The following SIX4 variants were observed in gnomAD, a reference collection of about 807,000 sequenced individuals.
SIX4 encodes the protein SIX homeobox 4, also known as homeobox protein SIX4.
Under a neutral mutation model 51.5 loss-of-function variants are expected in SIX4, and 23 were observed. The observed-to-expected ratio is 0.45, with a 90% confidence interval of 0.32 to 0.63. SIX4 has a LOEUF of 0.63. SIX4 is among the 30% of genes least tolerant of loss of function. SIX4 has a pLI of 0.04. For synonymous variants in SIX4, 413 were observed against 417.3 expected, an observed-to-expected ratio of 0.99 and a Z score of 0.13; for missense variants, 867 against 984.0, an observed-to-expected ratio of 0.88 and a Z score of 1.59.
At position 60,709,954 on chromosome 14, in the gene SIX4, G is replaced by T. The variant is rs1220319026; in HGVS notation, c.*3453C>A. 2 of 152,648 alleles carry T rather than the reference G, an allele frequency of 1.3e-5. No individual in the cohort carries two copies. The highest frequency in any genetic ancestry group is 6.5e-5 in the Admixed American group (1 of 15,278). 9.5% of individuals were successfully genotyped at this position (152,648 alleles called of 1,614,324 possible). Reference sequence around the variant, plus strand: ...GTATGGTGGTAAATTAACATAAAATGTATCAATTAGATACAAAGTAACTGC... The same window carrying T: ...GTATGGTGGTAAATTAACATAAAATTTATCAATTAGATACAAAGTAACTGC... On this transcript the variant is annotated 3_prime_UTR_variant, in exon 3 of 3. Transcript: ENST00000216513. This position sits in a 1 kb window ranked among gnomAD's most constrained non-coding sequence, Gnocchi z 4.1.
Position 60,711,371 on chromosome 14 carries a change from T to C in SIX4, c.*2036A>G, listed in dbSNP as rs1363034315. On this transcript the variant is annotated 3_prime_UTR_variant, in exon 3 of 3. Transcript: ENST00000216513. Reference sequence around the variant, plus strand: ...GGAATTCTTCATAGGGTTCTTGATATATGCCTGCAAGTTCCATTTATGATA... The same window carrying C: ...GGAATTCTTCATAGGGTTCTTGATACATGCCTGCAAGTTCCATTTATGATA... 6.6e-6 allele frequency: 1 copy of C among 152,204 alleles called. No individual in the cohort carries two copies. The highest frequency in any genetic ancestry group is 1.5e-5 in the Non-Finnish European group (1 of 68,038). The allele number at this position is 152,204 out of a possible 1,614,324, so 9.4% of individuals were successfully genotyped here. A position where few individuals can be genotyped will look rare whatever the true frequency, so the allele number is the denominator to read the frequency against.
At position 60,724,136 on chromosome 14, in the gene SIX4, CCT is replaced by C; in HGVS notation, c.-64_-63del. ...CGCACTCTTTTCCTCTTTCTTTCCT[CCT>C]CTCTTACTCCTCCTCCTTCGTCTCC... On this transcript the variant is annotated 5_prime_UTR_variant, in exon 1 of 3. Coordinates refer to ENST00000216513, the MANE Select transcript of SIX4 (RefSeq NM_017420.5). 6.2e-7 allele frequency: 1 copy of C among 1,604,644 alleles called. No homozygotes were observed. Among genetic ancestry groups the C allele is most frequent in the South Asian group, 1.1e-5 (1 of 90,300 alleles).
In SIX4 at chr14:60,711,757, C is replaced by G. The variant is rs1895825533; in HGVS notation, c.*1650G>C. The G allele has an allele frequency of 6.8e-6, 1 of 147,982 alleles. No homozygotes were observed. Among genetic ancestry groups the G allele is most frequent in the Non-Finnish European group, 1.5e-5 (1 of 67,296 alleles). 9.2% of individuals were successfully genotyped at this position (147,982 alleles called of 1,614,324 possible). On this transcript the variant is annotated 3_prime_UTR_variant, in exon 3 of 3. Transcript: ENST00000216513. ...CCAAGATCGTGCCACTGCACTCCAG[C>G]CTGGGCAACAGAGCGAGACTCCATC... is the stretch of plus-strand genomic sequence containing the variant.
At chr14:60,714,667 ATTTC>A (rs1013356919) in intron 2 of SIX4, among the ~76,000 whole-genome samples, 3 of 148,240 alleles carry the variant, frequency 2.0e-5, no homozygotes, top group Non-Finnish European at 4.5e-5. Flanking sequence ...GTTGCTTATT[ATTTC>A]TTTTTTTTTT....
In SIX4 at chr14:60,723,796, C is replaced by T; in HGVS notation, c.279G>A (p.Arg93=). 3 of 1,537,176 alleles carry T rather than the reference C, an allele frequency of 2.0e-6. No homozygotes were observed. Among genetic ancestry groups the T allele is most frequent in the Non-Finnish European group, 2.6e-6 (3 of 1,147,730 alleles). ...QVQLHSELLG[R]HHHAAAAAAQ... is the part of the protein sequence containing the mutation. ...CGGCGGCGGCGGCGGCGTGGTGGTG[C>T]CTGCCCAGAAGTTCCGAGTGGAGTT... Residue 93 remains arginine, a synonymous_variant, in exon 1 of 3, where the codon AGG becomes AGA. Coordinates refer to ENST00000216513, the MANE Select transcript of SIX4 (RefSeq NM_017420.5).
rs751648573 is a variant in SIX4 at position 60,720,236 on chromosome 14, C to G, written c.1073G>C (p.Ser358Thr). 1 of 1,614,216 alleles carries G rather than the reference C, an allele frequency of 6.2e-7. No individual in the cohort carries two copies. Among genetic ancestry groups the G allele is most frequent in the South Asian group, 1.1e-5 (1 of 91,084 alleles). ...VLLNGSLVPA[S>T]TSPVFLNGNS... ...TCCATTAAGGAAGACAGGTGAAGTACTTGCAGGTACCAAGCTTCCATTCAA... is the reference window on the plus strand; with the variant it reads ...TCCATTAAGGAAGACAGGTGAAGTAGTTGCAGGTACCAAGCTTCCATTCAA... Residue 358 changes from serine (S) to threonine (T), a missense_variant, in exon 2 of 3, where the codon AGT becomes ACT. Coordinates refer to ENST00000216513, the MANE Select transcript of SIX4 (RefSeq NM_017420.5). This position sits in a 1 kb window ranked among gnomAD's most constrained non-coding sequence, Gnocchi z 5.5.
intron 2 of SIX4, among the ~76,000 whole-genome samples, chr14:60,714,484 T>C (rs1895882876): frequency 6.6e-6 from 1 of 152,092 alleles, no homozygotes; most frequent in African/African-American, 2.4e-5. Flanking sequence ...ATCTTTTATG[T>C]TTAACCCCAA....
At position 60,719,985 on chromosome 14, in the gene SIX4, C is replaced by T. The variant is rs1895991449; in HGVS notation, c.1324G>A (p.Val442Ile). Residue 442 changes from valine (V) to isoleucine (I), a missense_variant, in exon 2 of 3, where the codon GTC (valine) becomes ATC (isoleucine). Val to Ile is a conservative substitution (Grantham distance 29, BLOSUM62 3). Coordinates refer to ENST00000216513, the MANE Select transcript of SIX4 (RefSeq NM_017420.5). The surrounding 1 kb of genome is among the most constrained non-coding windows in gnomAD (Gnocchi z 4.9). Reference protein sequence around the residue: ...TTTSYSPSVPVSFPGLIPSTE... With the variant: ...TTTSYSPSVPISFPGLIPSTE... ...CTGGGTATCAGGCCTGGGAATGAGA[C>T]AGGGACACTGGGGCTGTAGGACGTG... is the stretch of plus-strand genomic sequence containing the variant. 3.7e-6 allele frequency: 6 copies of T among 1,614,064 alleles called. No homozygotes were observed. The Admixed American group carries it at 8.3e-5, about 22-fold the overall frequency.
At position 60,713,658 on chromosome 14, in the gene SIX4, G is replaced by A; in HGVS notation, c.2095C>T (p.Pro699Ser). Residue 699 changes from proline to serine, a missense_variant, in exon 3 of 3, where the codon CCC (proline) becomes TCC (serine). Physicochemically the swap from Pro to Ser is moderately conservative, Grantham distance 74 (BLOSUM62 -1). Coordinates refer to ENST00000216513, the MANE Select transcript of SIX4 (RefSeq NM_017420.5). ...AAATCCTGATGTACTGCTGGGGAGG[G>A]GTGACCTACCTGATCTTCAGCTGTA... The part of the protein sequence containing the change: ...VPTAEDQVGH[P>S]SPAVHQDFVQ... 1.2e-6 allele frequency: 2 copies of A among 1,614,192 alleles called. No homozygotes were observed. The highest frequency in any genetic ancestry group is 1.7e-6 in the Non-Finnish European group (2 of 1,180,044).
chr14:60,718,357 C>A (rs1458992984), intron 2 of SIX4, among the ~76,000 whole-genome samples: 1 of 152,082 alleles, frequency 6.6e-6, no homozygotes, highest in Non-Finnish European at 1.5e-5. Flanking sequence ...TATTAAATGT[C>A]CCATTTAAAA....
rs1895833270 is a variant in SIX4 at position 60,712,069 on chromosome 14, C to CA, written c.*1337dup. ...TATAGTGCAAACAACAGTCATGTGT[C>CA]AGAGTGTAACAACTGATTCAAAACC... On this transcript the variant is annotated 3_prime_UTR_variant, in exon 3 of 3. Coordinates refer to ENST00000216513, the MANE Select transcript of SIX4 (RefSeq NM_017420.5). The CA allele has an allele frequency of 6.6e-6, 1 of 152,590 alleles. No homozygotes were observed. The highest frequency in any genetic ancestry group is 2.4e-5 in the African/African-American group (1 of 41,444). The allele number at this position is 152,590 out of a possible 1,614,324, so 9.5% of individuals were successfully genotyped here.
Position 60,710,485 on chromosome 14 carries a change from A to G in SIX4, c.*2922T>C, listed in dbSNP as rs1895801065. ...CCAAATTCTGGCTGATAGAGTGCAT[A>G]GATAGGCTTACACCAAAAATCCCAC... On this transcript the variant is annotated 3_prime_UTR_variant, in exon 3 of 3. Coordinates refer to ENST00000216513, the MANE Select transcript of SIX4 (RefSeq NM_017420.5). 6.6e-6 allele frequency: 1 copy of G among 152,630 alleles called. No homozygotes were observed. 9.5% of individuals were successfully genotyped at this position (152,630 alleles called of 1,614,324 possible). A position where few individuals can be genotyped will look rare whatever the true frequency, so the allele number is the denominator to read the frequency against.
intron 1 of SIX4, 160 bp downstream of exon 1, chr14:60,723,052 T>A: frequency 5.7e-6 from 8 of 1,399,576 alleles, no homozygotes; most frequent in African/African-American, 1.5e-5. Context: ...GCCCCCTACC[T>A]CTGCCGGCCG....
At position 60,723,420 on chromosome 14, in the gene SIX4, T is replaced by G; in HGVS notation, c.655A>C (p.Thr219Pro). 2 of 1,608,436 alleles carry G rather than the reference T, an allele frequency of 1.2e-6. No individual in the cohort carries two copies. The highest frequency in any genetic ancestry group is 1.3e-5 in the African/African-American group (1 of 74,642). The stretch of plus-strand genomic sequence containing the variant: ...ACCGTCTCCTCGCCGTCCCAGATGG[T>G]GCGGGGCAGGGGGAATTTCCTGCGC... ...RLRRKFPLPR[T>P]IWDGEETVYC... The change falls in exon 1 of 3, where the codon ACC (threonine) becomes CCC (proline). Residue 219 changes from threonine (T) to proline (P), a missense_variant. By Grantham distance (38) the Thr-to-Pro change is conservative. Transcript: ENST00000216513.
chr14:60,715,411 A>C (rs1029990341), intron 2 of SIX4, among the ~76,000 whole-genome samples: 1 of 152,240 alleles, frequency 6.6e-6, no homozygotes, highest in Non-Finnish European at 1.5e-5. Context: ...TCACCAAACT[A>C]GCCATAAAGT....
chr14:60,723,243 C>T lies in SIX4; in HGVS notation c.832G>A (p.Asp278Asn), dbSNP rs772871390. 3 of 1,612,560 alleles carry T rather than the reference C, an allele frequency of 1.9e-6. No homozygotes were observed. The East Asian group carries it at 6.7e-5, about 36-fold the overall frequency. ...GACTGGGTCTCGGAGGGGTTCCTGTCGCGCTGCCGGCGGTTCTTGAACCAG... is the reference window on the plus strand; with the variant it reads ...GACTGGGTCTCGGAGGGGTTCCTGTTGCGCTGCCGGCGGTTCTTGAACCAG... ...SNWFKNRRQRDRNPSETQSKS... is the reference protein window; with the variant it reads ...SNWFKNRRQRNRNPSETQSKS... The change falls in exon 1 of 3, where the codon GAC becomes AAC. Residue 278 changes from aspartate (D) to asparagine (N), a missense_variant. Asp to Asn is a conservative substitution (Grantham distance 23, BLOSUM62 1). Transcript: ENST00000216513.
chr14:60,719,077 T>G lies in SIX4; in HGVS notation c.1549+683A>C, dbSNP rs1470929233. Among the ~76,000 whole-genome samples the G allele has an allele frequency of 6.6e-6, 1 of 152,198 alleles. No homozygotes were observed. On this transcript the variant is annotated intron_variant, in intron 2 of 2. Coordinates refer to ENST00000216513, the MANE Select transcript of SIX4 (RefSeq NM_017420.5). This position sits in a 1 kb window ranked among gnomAD's most constrained non-coding sequence, Gnocchi z 4.9. Reference sequence around the variant, plus strand: ...TGAAGAACTAATATATCAGCCTCAGTTTTCCTGAATTTCATTTAAGTGCTT... The same window carrying G: ...TGAAGAACTAATATATCAGCCTCAGGTTTCCTGAATTTCATTTAAGTGCTT...
chr14:60,713,469 C>T lies in SIX4; in HGVS notation c.2284G>A (p.Asp762Asn). ...TGGAGCTTGGCAAGCTCTTTTTTGT[C>T]TGTTTCCAGGTCTTCACAGACAGTA... Reference protein sequence around the residue: ...VDTVCEDLETDKKELAKLQTV... With the variant: ...VDTVCEDLETNKKELAKLQTV... The change falls in exon 3 of 3, where the codon GAC becomes AAC. Residue 762 changes from aspartate (D) to asparagine (N), a missense_variant. Coordinates refer to ENST00000216513, the MANE Select transcript of SIX4 (RefSeq NM_017420.5). The T allele has an allele frequency of 6.2e-7, 1 of 1,613,430 alleles. No homozygotes were observed. Among genetic ancestry groups the T allele is most frequent in the Non-Finnish European group, 8.5e-7 (1 of 1,179,854 alleles).
rs771738530 is a variant in SIX4 at position 60,720,179 on chromosome 14, A to G, written c.1130T>C (p.Ile377Thr). 9.3e-6 allele frequency: 15 copies of G among 1,614,258 alleles called. No homozygotes were observed. The South Asian group carries it at 1.5e-4, about 17-fold the overall frequency. The change falls in exon 2 of 3, where the codon ATC becomes ACC. Residue 377 changes from isoleucine to threonine, a missense_variant. Coordinates refer to ENST00000216513, the MANE Select transcript of SIX4 (RefSeq NM_017420.5). This position sits in a 1 kb window ranked among gnomAD's most constrained non-coding sequence, Gnocchi z 5.5. ...ATTTCCCACATTTAATCCATTAAGGATAACTCCACTGGGTCCCTGAATAAA... is the reference window on the plus strand; with the variant it reads ...ATTTCCCACATTTAATCCATTAAGGGTAACTCCACTGGGTCCCTGAATAAA... ...NSFIQGPSGV[I>T]LNGLNVGNTQ...
Sources: allele counts gnomAD v4.1 joint callset (sites outside exome capture counted in the v4.1 genomes callset), GRCh38; gene constraint gnomAD v4.1.1; non-coding constraint Gnocchi (gnomAD v3.1); transcripts MANE v1.5; gene names NCBI Gene and HGNC (gene_info 2026-07-23, HGNC 2026-07-21).